Variants in PIK3C3 observed in about 807,000 individuals in gnomAD.
The protein encoded by PIK3C3 is PI3-kinase type 3.
PIK3C3 carries 95 observed loss-of-function variants against 126.1 expected under a neutral mutation model. The ratio of observed to expected loss-of-function variants is 0.75; its 90% confidence interval spans 0.64 to 0.89. The LOEUF is 0.89. Among genes scored for constraint, PIK3C3 ranks in the 40% least tolerant of loss-of-function variants. The pLI is 0.00. For missense variants in PIK3C3, 829 were observed against 1,063.2 expected (o/e 0.78, Z 3.06); for synonymous variants, 374 against 360.0 (o/e 1.04, Z -0.44).
intron 4 of PIK3C3, among the ~76,000 whole-genome samples, chr18:41,980,494 T>C (rs900944115): frequency 1.3e-5 from 2 of 152,188 alleles, no homozygotes; most frequent in South Asian, 2.1e-4. Flanking sequence ...TAAATGAATA[T>C]ACAAAATATA....
intron 9 of PIK3C3, among the ~76,000 whole-genome samples, chr18:42,001,384 C>A (rs1225349812): frequency 6.6e-6 from 1 of 152,156 alleles, no homozygotes; most frequent in East Asian, 1.9e-4. Context: ...AACCCAAACA[C>A]CCTGGCTCTA....
chr18:42,076,107 T>TATATGCAC (rs1985975344), intron 24 of PIK3C3, among the ~76,000 whole-genome samples: 1 of 77,686 alleles, frequency 1.3e-5, no homozygotes, highest in Non-Finnish European at 2.5e-5. Flanking sequence ...TATATATATA[T>TATATGCAC]ATATATATAT....
At chr18:42,080,605 A>G (rs958533975) in intron 24 of PIK3C3, among the ~76,000 whole-genome samples, 2 of 152,180 alleles carry the variant, frequency 1.3e-5, no homozygotes, top group African/African-American at 4.8e-5. Flanking sequence ...ATATCTCAGT[A>G]TTGAACACCA....
intron 6 of PIK3C3, 54 bp downstream of exon 6, chr18:41,990,608 T>TA (rs1981727830): frequency 4.4e-6 from 4 of 913,596 alleles, no homozygotes; most frequent in African/African-American, 3.3e-5. Flanking sequence ...GAGGAAACAT[T>TA]AAAAAAATAT....
chr18:41,962,477 T>A lies in PIK3C3; in HGVS notation c.258-12T>A, dbSNP rs950745996. ...TATGTATTTCTGATTTATGTTAACTTCATTTCCATAGCTGGAATGAATGGC... is the reference window on the plus strand; with the variant it reads ...TATGTATTTCTGATTTATGTTAACTACATTTCCATAGCTGGAATGAATGGC... On this transcript the variant is annotated splice_polypyrimidine_tract_variant and intron_variant, in intron 2 of 24. Coordinates refer to ENST00000262039, the MANE Select transcript of PIK3C3 (RefSeq NM_002647.4). 2 of 1,599,486 alleles carry A rather than the reference T, an allele frequency of 1.3e-6. No homozygotes were observed. Among genetic ancestry groups the A allele is most frequent in the East Asian group, 2.2e-5 (1 of 44,524 alleles).
intron 16 of PIK3C3, among the ~76,000 whole-genome samples, chr18:42,036,515 A>G (rs1984058519): frequency 6.6e-6 from 1 of 151,940 alleles, no homozygotes; most frequent in African/African-American, 2.4e-5. Flanking sequence ...ACCAAACTCA[A>G]TAGGGTCTCT....
At chr18:42,044,272 G>A (rs910706404) in intron 20 of PIK3C3, among the ~76,000 whole-genome samples, 1 of 152,068 alleles carries the variant, frequency 6.6e-6, no homozygotes, top group Non-Finnish European at 1.5e-5. Context: ...TAAGAAAGCA[G>A]TAGTAGTATT....
intron 16 of PIK3C3, among the ~76,000 whole-genome samples, chr18:42,035,217 G>A (rs752350739): frequency 6.6e-6 from 1 of 152,018 alleles, no homozygotes; most frequent in Non-Finnish European, 1.5e-5. Context: ...AAAAAGCTAT[G>A]CACAAGGTAA....
chr18:41,993,244 T>A (rs528321808), intron 6 of PIK3C3, 26 bp from the exon 7 acceptor site: 31 of 1,505,064 alleles, frequency 2.1e-5, no homozygotes, highest in African/African-American at 8.3e-5. Context: ...TTTCTTTTTT[T>A]AAAAAATTAT....
intron 13 of PIK3C3, among the ~76,000 whole-genome samples, chr18:42,021,528 A>G (rs868229065): frequency 1.3e-5 from 2 of 152,222 alleles, no homozygotes; most frequent in Admixed American, 1.3e-4. Flanking sequence ...CCAGGTGGGT[A>G]AGACCTGCCT....
chr18:41,970,182 C>T (rs1174151050), intron 3 of PIK3C3, 145 bp from the exon 4 acceptor site: 1 of 670,340 alleles, frequency 1.5e-6, no homozygotes, highest in Non-Finnish European at 2.5e-6. Flanking sequence ...TGGTTAATTG[C>T]TTTACATTCC....
chr18:41,980,175 T>A (rs1158819162), intron 4 of PIK3C3, among the ~76,000 whole-genome samples: 1 of 152,132 alleles, frequency 6.6e-6, no homozygotes, highest in East Asian at 1.9e-4. Context: ...TAAAATTGCT[T>A]TCAATTGATT....
intron 22 of PIK3C3, chr18:42,059,797 TGTCAC>T (rs1985236601): frequency 1.3e-5 from 2 of 151,822 alleles, no homozygotes; most frequent in African/African-American, 4.8e-5. Flanking sequence ...TGAGACAGGT[TGTCAC>T]TGTCGCCCAG....
intron 4 of PIK3C3, among the ~76,000 whole-genome samples, chr18:41,972,249 CA>C (rs1568115930): frequency 6.6e-6 from 1 of 152,040 alleles, no homozygotes; most frequent in Non-Finnish European, 1.5e-5. Flanking sequence ...TGCACATTAA[CA>C]ACTCTAGAAA....
In PIK3C3 at chr18:42,034,339, C is replaced by A. The variant is rs576428674; in HGVS notation, c.1839+382C>A. 2.6e-5 allele frequency among the ~76,000 whole-genome samples: 4 copies of A among 152,274 alleles called. No homozygotes were observed. In the South Asian group the frequency reaches 8.3e-4, roughly 32 times the overall value. On this transcript the variant is annotated intron_variant, in intron 16 of 24. Coordinates refer to ENST00000262039, the MANE Select transcript of PIK3C3 (RefSeq NM_002647.4). ...AAAGTGTTGGGATTACAGGCATGCG[C>A]CACCATACCCAACATAATATTTAGT...
In PIK3C3 at chr18:42,029,450, A is replaced by G. The variant is rs771496716; in HGVS notation, c.1707+9A>G. On this transcript the variant is annotated intron_variant, in intron 15 of 24. Transcript: ENST00000262039. ...GAAATCGTAAGAAAAAGGTAAGCCT[A>G]TGGTGTATGCTTTTGTTCCTAATAG... is the stretch of plus-strand genomic sequence containing the variant. 15 of 1,460,590 alleles carry G rather than the reference A, an allele frequency of 1.0e-5. No individual in the cohort carries two copies. The highest frequency in any genetic ancestry group is 2.3e-5 in the South Asian group (2 of 88,288). The allele number at this position is 1,460,590 out of a possible 1,614,324, so 90.5% of individuals were successfully genotyped here. A position where few individuals can be genotyped will look rare whatever the true frequency, so the allele number is the denominator to read the frequency against.
chr18:42,068,881 C>A (rs1041202748), intron 24 of PIK3C3, among the ~76,000 whole-genome samples: 1 of 142,348 alleles, frequency 7.0e-6, no homozygotes, highest in African/African-American at 2.6e-5. Context: ...ACCTGGGAGG[C>A]GGAGGTTGCG....
At chr18:42,060,650 G>A (rs1240188895) in intron 22 of PIK3C3, among the ~76,000 whole-genome samples, 3 of 151,912 alleles carry the variant, frequency 2.0e-5, no homozygotes, top group African/African-American at 4.8e-5. Flanking sequence ...GATGGTGCAC[G>A]CTTGTAATCT....
chr18:41,989,025 A>G (rs922088739), intron 5 of PIK3C3, among the ~76,000 whole-genome samples: 5 of 152,144 alleles, frequency 3.3e-5, no homozygotes, highest in African/African-American at 1.2e-4. Context: ...AGACTATAAT[A>G]TGCTTCATAA....
Sources: allele counts gnomAD v4.1 joint callset (sites outside exome capture counted in the v4.1 genomes callset), GRCh38; gene constraint gnomAD v4.1.1; transcripts MANE v1.5; gene names NCBI Gene and HGNC (gene_info 2026-07-23, HGNC 2026-07-21).